RGPD3: variants seen among roughly 807,000 people sequenced by gnomAD.
The protein encoded by RGPD3 is ranBP2-like and GRIP domain-containing protein 3.
Under a neutral mutation model 154.5 loss-of-function variants are expected in RGPD3, and 62 were observed. The ratio of observed to expected loss-of-function variants is 0.40; its 90% CI spans 0.33 to 0.50. RGPD3 has a LOEUF of 0.50. Ranked by LOEUF, RGPD3 falls within the 20% of genes least tolerant of loss-of-function variation. The pLI is 0.59. For missense variants in RGPD3, 919 were observed against 1,716.8 expected, an observed-to-expected ratio of 0.54 and a Z score of 8.21; for synonymous variants, 308 against 607.0, an observed-to-expected ratio of 0.51 and a Z score of 7.24.
At position 106,404,270 on chromosome 2, in the gene RGPD3, C is replaced by T. The variant is rs1374401058; in HGVS notation, c.*949G>A. Among the ~76,000 whole-genome samples the T allele has an allele frequency of 6.7e-6, 1 of 150,148 alleles. No homozygotes were observed. The highest frequency in any genetic ancestry group is 6.6e-5 in the Admixed American group (1 of 15,108). Reference sequence around the variant, plus strand: ...TCAAAACAGATTCATGGCTTGCATGCAGTGACACCCTATCAAGAGCCTGGA... The same window carrying T: ...TCAAAACAGATTCATGGCTTGCATGTAGTGACACCCTATCAAGAGCCTGGA... On this transcript the variant is annotated 3_prime_UTR_variant, in exon 23 of 23. Transcript: ENST00000409886.
intron 1 of RGPD3, among the ~76,000 whole-genome samples, chr2:106,466,994 G>GC (rs1304610720): frequency 7.7e-6 from 1 of 129,370 alleles, no homozygotes; most frequent in Non-Finnish European, 1.7e-5. Flanking sequence ...CGAGGCTGCC[G>GC]CCGCCTGGCC....
intron 20 of RGPD3, among the ~76,000 whole-genome samples, chr2:106,422,833 C>T (rs1254271679): frequency 6.6e-6 from 1 of 151,852 alleles, no homozygotes; most frequent in African/African-American, 2.4e-5. Context: ...GAAGTATCTT[C>T]CAGTTACTGA....
At chr2:106,468,185 C>A (rs749909974) in intron 1 of RGPD3, 32 bp downstream of exon 1, 8 of 1,582,628 alleles carry the variant, frequency 5.1e-6, no homozygotes, top group Non-Finnish European at 6.9e-6. Context: ...CCGGCCAGGT[C>A]GAGGCCGTCG....
At chr2:106,434,091 A>G in intron 15 of RGPD3, 137 bp downstream of exon 15, 2 of 1,355,850 alleles carry the variant, frequency 1.5e-6, no homozygotes, top group Non-Finnish European at 2.0e-6. Flanking sequence ...AAGCATTTAG[A>G]CACACACATC....
intron 20 of RGPD3, among the ~76,000 whole-genome samples, chr2:106,420,970 T>C (rs1676966653): frequency 6.6e-6 from 1 of 152,044 alleles, no homozygotes; most frequent in Non-Finnish European, 1.5e-5. Context: ...ACAGGTTATA[T>C]TTTATTTCTA....
At chr2:106,464,295 C>T (rs1442799248) in intron 1 of RGPD3, among the ~76,000 whole-genome samples, 5 of 145,968 alleles carry the variant, frequency 3.4e-5, no homozygotes, top group African/African-American at 7.7e-5. Flanking sequence ...GAGCCGAGAT[C>T]GCGCCACTGC....
chr2:106,426,616 T>TA (rs1246004662), intron 18 of RGPD3, among the ~76,000 whole-genome samples: 1 of 152,030 alleles, frequency 6.6e-6, no homozygotes, highest in Non-Finnish European at 1.5e-5. Context: ...TGGCTTAAAA[T>TA]AAAAAGCACA....
intron 1 of RGPD3, among the ~76,000 whole-genome samples, chr2:106,461,680 C>G (rs1678409284): frequency 6.6e-6 from 1 of 151,190 alleles, no homozygotes; most frequent in Admixed American, 6.6e-5. Context: ...GAAAGCAATT[C>G]CATTTACAAT....
At position 106,447,485 on chromosome 2, in the gene RGPD3, T is replaced by G. The variant is rs1429978424; in HGVS notation, c.911A>C (p.His304Pro). 3.5e-5 allele frequency: 8 copies of G among 228,798 alleles called. No homozygotes were observed. Among genetic ancestry groups the G allele is most frequent in the Non-Finnish European group, 5.9e-5 (8 of 136,730 alleles). The allele number at this position is 228,798 out of a possible 1,614,324, so 14.2% of individuals were successfully genotyped here. ...AGSLLLKMGQ[H>P]GNNVQWRALS... ...AGCTCGCCATTGAACATTATTACCA[T>G]GCTGACCCATCTTCAAGAGCAGAGA... is the stretch of plus-strand genomic sequence containing the variant. Residue 304 changes from histidine to proline, a missense_variant, in exon 7 of 23, where the codon CAT becomes CCT. By Grantham distance (77) the His-to-Pro change is moderately conservative. Transcript: ENST00000409886.
intron 9 of RGPD3, among the ~76,000 whole-genome samples, chr2:106,437,753 C>A (rs2104480503): frequency 6.6e-6 from 1 of 151,716 alleles, no homozygotes; most frequent in East Asian, 2.0e-4. Flanking sequence ...TGCCCAATAA[C>A]AGAAAGTAGC....
At position 106,436,481 on chromosome 2, in the gene RGPD3, G is replaced by A; in HGVS notation, c.1567C>T (p.Gln523Ter). Reference protein sequence around the residue: ...PLCLPLPVCKQLCTERQKSWW... With the variant: ...PLCLPLPVCK ...GATTTTTGTCTTTCTGTACAAAGCTGTTTACACACAGGAAGGGGCAGGCAT... is the reference window on the plus strand; with the variant it reads ...GATTTTTGTCTTTCTGTACAAAGCTATTTACACACAGGAAGGGGCAGGCAT... Residue 523 changes from glutamine (Q) to a stop codon, truncating the protein, a stop_gained, in exon 11 of 23, where the codon CAG becomes TAG. Transcript: ENST00000409886. LOFTEE classifies it high-confidence loss of function. 1 of 1,611,094 alleles carries A rather than the reference G, an allele frequency of 6.2e-7. No individual in the cohort carries two copies. The highest frequency in any genetic ancestry group is 8.5e-7 in the Non-Finnish European group (1 of 1,179,214).
At chr2:106,444,873 C>G (rs575072936) in intron 7 of RGPD3, among the ~76,000 whole-genome samples, 86 of 132,812 alleles carry the variant, frequency 6.5e-4, no homozygotes, top group African/African-American at 2.2e-3. Context: ...ATAATCCCAG[C>G]ACTCTGGGAA....
chr2:106,467,973 A>C (rs1227070642), intron 1 of RGPD3, among the ~76,000 whole-genome samples: 81 of 104,836 alleles, frequency 7.7e-4, no homozygotes, highest in African/African-American at 1.3e-3. Flanking sequence ...AGGCCGCCGC[A>C]GGGCCAGGTC....
At chr2:106,450,634 T>C (rs1364563357) in intron 6 of RGPD3, among the ~76,000 whole-genome samples, 6 of 92,802 alleles carry the variant, frequency 6.5e-5, no homozygotes, top group African/African-American at 8.6e-5. Context: ...TGAGAGGAAA[T>C]TGTGAAGCTT....
In RGPD3 at chr2:106,468,387, G is replaced by A; in HGVS notation, c.-99C>T. On this transcript the variant is annotated 5_prime_UTR_variant, in exon 1 of 23. Coordinates refer to ENST00000409886, the MANE Select transcript of RGPD3 (RefSeq NM_001144013.2). ...AAAGCGCCTGAAAGCCACTGAGGCA[G>A]CGGCGTAGCCGGCGGAGGACCACTG... 1 of 1,541,904 alleles carries A rather than the reference G, an allele frequency of 6.5e-7. No homozygotes were observed. Among genetic ancestry groups the A allele is most frequent in the South Asian group, 1.2e-5 (1 of 83,862 alleles).
At position 106,424,256 on chromosome 2, in the gene RGPD3, T is replaced by C. The variant is rs751855732; in HGVS notation, c.3711A>G (p.Lys1237=). ...GAAGASDTTI[K]PNAENTGPTL... is the part of the protein sequence containing the mutation. The stretch of plus-strand genomic sequence containing the variant: ...TGGGCCCAGTGTTTTCAGCATTGGG[T>C]TTTATTGTTGTGTCTGAGGCACCGG... Residue 1237 remains lysine (K), a synonymous_variant, in exon 20 of 23, where the codon AAA becomes AAG. Coordinates refer to ENST00000409886, the MANE Select transcript of RGPD3 (RefSeq NM_001144013.2). 11 of 1,611,826 alleles carry C rather than the reference T, an allele frequency of 6.8e-6. No individual in the cohort carries two copies. In the East Asian group the frequency reaches 2.2e-4, roughly 33 times the overall value.
At chr2:106,450,760 C>A (rs1678091880) in intron 6 of RGPD3, among the ~76,000 whole-genome samples, 1 of 123,852 alleles carries the variant, frequency 8.1e-6, no homozygotes, top group Non-Finnish European at 1.6e-5. Flanking sequence ...TGTCGGGCAC[C>A]TGTAGTTCCA....
chr2:106,468,037 G>A (rs1376215892), intron 1 of RGPD3, among the ~76,000 whole-genome samples, 180 bp downstream of exon 1: 1 of 144,754 alleles, frequency 6.9e-6, no homozygotes, highest in Non-Finnish European at 1.5e-5. Flanking sequence ...CGGGAGCCAT[G>A]ACGCCTGAGC....
rs372584133 is a variant in RGPD3 at position 106,424,689 on chromosome 2, T to C, written c.3278A>G (p.Asn1093Ser). Residue 1093 changes from asparagine to serine, a missense_variant, in exon 20 of 23, where the codon AAT becomes AGT. Coordinates refer to ENST00000409886, the MANE Select transcript of RGPD3 (RefSeq NM_001144013.2). ...TTGCATCAGCATTCTTACTTTGCCATTGACCTCGTTTTTGAGAATTTTTAA... is the reference window on the plus strand; with the variant it reads ...TTGCATCAGCATTCTTACTTTGCCACTGACCTCGTTTTTGAGAATTTTTAA... ...GNLKILKNEV[N>S]GKVRMLMQRE... 3.4e-4 allele frequency: 551 copies of C among 1,612,012 alleles called. 6 individuals carry two copies. The Middle Eastern group carries it at 5.4e-3, about 16-fold the overall frequency.
Sources: gnomAD v4.1 joint callset for allele counts (sites outside exome capture counted in the v4.1 genomes callset) on GRCh38, gnomAD v4.1.1 for gene constraint, MANE v1.5 for transcripts, NCBI Gene and HGNC (gene_info 2026-07-23, HGNC 2026-07-21) for gene names.